CELSR2: variants seen among roughly 807,000 people sequenced by gnomAD.
CELSR2 encodes EGF-like protein 2.
In CELSR2, 81 loss-of-function variants were observed where a neutral mutation model predicts 251.6. That is an observed-to-expected ratio of 0.32 (90% CI 0.27 to 0.39). The LOEUF (loss-of-function observed/expected upper bound fraction) is 0.39, where lower values mean the gene tolerates loss of function less well. Among genes scored for constraint, CELSR2 ranks in the 10% least tolerant of loss-of-function variants. CELSR2 has a pLI of 1.00. For missense variants in CELSR2, 3,365 were observed against 3,947.7 expected, an observed-to-expected ratio of 0.85 and a Z score of 3.96; for synonymous variants, 1,721 against 1,670.5, an observed-to-expected ratio of 1.03 and a Z score of -0.74.
Position 109,274,059 on chromosome 1 carries a change from G to T in CELSR2, c.*10G>T. The T allele has an allele frequency of 3.7e-6, 6 of 1,613,660 alleles. No homozygotes were observed. The highest frequency in any genetic ancestry group is 5.1e-6 in the Non-Finnish European group (6 of 1,179,666). ...TAACTTCCTGCATTAACCCTGGGCCGTGGTTCCTACGCCCGAGGCTCCCTT... is the reference window on the plus strand; with the variant it reads ...TAACTTCCTGCATTAACCCTGGGCCTTGGTTCCTACGCCCGAGGCTCCCTT... On this transcript the variant is annotated 3_prime_UTR_variant, in exon 34 of 34. Coordinates refer to ENST00000271332, the MANE Select transcript of CELSR2 (RefSeq NM_001408.3).
chr1:109,253,188 C>G lies in CELSR2; in HGVS notation c.3109C>G (p.Arg1037Gly). The G allele has an allele frequency of 1.9e-6, 3 of 1,613,644 alleles. No homozygotes were observed. Among genetic ancestry groups the G allele is most frequent in the Non-Finnish European group, 2.5e-6 (3 of 1,180,044 alleles). ...EILFNNYVTNRSSSFPGGAIG... is the reference protein window; with the variant it reads ...EILFNNYVTNGSSSFPGGAIG... ...CCTTTTCAACAACTATGTCACCAAT[C>G]GCTCAAGCAGCTTCCCTGGGGGTGC... The change falls in exon 1 of 34, where the codon CGC (arginine) becomes GGC (glycine). Residue 1037 changes from arginine to glycine, a missense_variant. Around this residue, in one of 5 missense-constraint regions of CELSR2, gnomAD observed 505 missense variants for 660.0 expected, o/e 0.77. Transcript: ENST00000271332.
At chr1:109,268,485 G>A in intron 17 of CELSR2, 96 bp from the exon 18 acceptor site, 1 of 1,436,820 alleles carries the variant, frequency 7.0e-7, no homozygotes, top group Non-Finnish European at 9.2e-7. Flanking sequence ...GGGCCTGGTG[G>A]GGAGCAGGGA....
At position 109,264,647 on chromosome 1, in the gene CELSR2, G is replaced by C; in HGVS notation, c.5464+19G>C. The C allele has an allele frequency of 6.2e-7, 1 of 1,603,790 alleles. No homozygotes were observed. The highest frequency in any genetic ancestry group is 8.5e-7 in the Non-Finnish European group (1 of 1,171,462). On this transcript the variant is annotated intron_variant, in intron 11 of 33. Coordinates refer to ENST00000271332, the MANE Select transcript of CELSR2 (RefSeq NM_001408.3). ...GATCCAGGTATGCTAAGGATCCAGG[G>C]CAACGGGCAGGTTATCAGGTGCCTG...
chr1:109,250,499 T>C lies in CELSR2; in HGVS notation c.420T>C (p.Ala140=), dbSNP rs1443524809. 1 of 1,613,698 alleles carries C rather than the reference T, an allele frequency of 6.2e-7. No individual in the cohort carries two copies. The highest frequency in any genetic ancestry group is 8.5e-7 in the Non-Finnish European group (1 of 1,179,998). ...CCGAGGAGCACCCGTGCTTAAAGGC[T>C]CCACGGCTCAGATGCCAGTCCTGCA... ...TLPEEHPCLK[A]PRLRCQSCKL... Residue 140 remains alanine, a synonymous_variant, in exon 1 of 34, where the codon GCT becomes GCC. Coordinates refer to ENST00000271332, the MANE Select transcript of CELSR2 (RefSeq NM_001408.3). This position sits in a 1 kb window ranked among gnomAD's most constrained non-coding sequence, Gnocchi z 4.4.
At chr1:109,259,622 G>A (rs560295223) in intron 2 of CELSR2, among the ~76,000 whole-genome samples, 14 of 152,272 alleles carry the variant, frequency 9.2e-5, no homozygotes, top group Non-Finnish European at 1.8e-4. Flanking sequence ...CCCACTGAGC[G>A]AGTTCCTTTT....
In CELSR2 at chr1:109,251,236, T is replaced by C; in HGVS notation, c.1157T>C (p.Phe386Ser). The C allele has an allele frequency of 6.2e-7, 1 of 1,614,084 alleles. No homozygotes were observed. Among genetic ancestry groups the C allele is most frequent in the Non-Finnish European group, 8.5e-7 (1 of 1,180,010 alleles). ...CCTCGGAGTACCACAGCCGCTGTTT[T>C]CCTTTCTGTGGAGGATGACAATGAT... ...PGPRSTTAAV[F>S]LSVEDDNDNA... The change falls in exon 1 of 34, where the codon TTC (phenylalanine) becomes TCC (serine). Residue 386 changes from phenylalanine to serine, a missense_variant. This residue lies in a region of CELSR2 where 704 missense variants were observed against 784.1 expected (regional missense o/e 0.90). Transcript: ENST00000271332. This position sits in a 1 kb window ranked among gnomAD's most constrained non-coding sequence, Gnocchi z 4.9.
intron 32 of CELSR2, 35 bp from the exon 33 acceptor site, chr1:109,273,401 G>A: frequency 6.2e-7 from 1 of 1,608,178 alleles, no homozygotes; most frequent in Non-Finnish European, 8.5e-7. Context: ...ACATTCTCCT[G>A]TGGCCGCACC....
chr1:109,269,176 GAC>G lies in CELSR2; in HGVS notation c.6700_6701del (p.Gln2234AlafsTer10). ...CAGGAGCCAGAGGAGCTGGCACGGC[GAC>G]AGCGACGGCACCCGGAGCTGAGCCA... is the stretch of plus-strand genomic sequence containing the variant. On this transcript the variant is annotated frameshift_variant, in exon 20 of 34. Transcript: ENST00000271332. LOFTEE classifies it high-confidence loss of function. This position sits in a 1 kb window ranked among gnomAD's most constrained non-coding sequence, Gnocchi z 6.4. The G allele has an allele frequency of 6.2e-7, 1 of 1,612,198 alleles. No homozygotes were observed. The highest frequency in any genetic ancestry group is 8.5e-7 in the Non-Finnish European group (1 of 1,179,504).
chr1:109,252,853 A>C lies in CELSR2; in HGVS notation c.2774A>C (p.Glu925Ala), dbSNP rs1655735844. The C allele has an allele frequency of 1.2e-6, 2 of 1,613,652 alleles. No homozygotes were observed. Among genetic ancestry groups the C allele is most frequent in the Non-Finnish European group, 1.7e-6 (2 of 1,179,812 alleles). ...AATCCCCCTGTCTTTGAGCAGGATG[A>C]GTTTGATGTGTTTGTGGAAGAGAAC... Reference protein sequence around the residue: ...NDNPPVFEQDEFDVFVEENSP... With the variant: ...NDNPPVFEQDAFDVFVEENSP... The change falls in exon 1 of 34, where the codon GAG becomes GCG. Residue 925 changes from glutamate (E) to alanine (A), a missense_variant. Coordinates refer to ENST00000271332, the MANE Select transcript of CELSR2 (RefSeq NM_001408.3). The surrounding 1 kb of genome is among the most constrained non-coding windows in gnomAD (Gnocchi z 4.8).
intron 1 of CELSR2, among the ~76,000 whole-genome samples, chr1:109,257,134 A>G (rs1655871993): frequency 6.6e-6 from 1 of 152,158 alleles, no homozygotes; most frequent in South Asian, 2.1e-4. Flanking sequence ...ATGGAGGATC[A>G]CTTGAGGCCA....
chr1:109,252,749 G>C lies in CELSR2; in HGVS notation c.2670G>C (p.Arg890=). The change falls in exon 1 of 34, where the codon CGG becomes CGC. Residue 890 remains arginine, a synonymous_variant. Transcript: ENST00000271332. This position sits in a 1 kb window ranked among gnomAD's most constrained non-coding sequence, Gnocchi z 4.8. ...AGAACGTGGCCCAGTATGTCTTGCG[G>C]GCATATGCAGTGGACAAGGGGATGC... The part of the protein sequence containing the change: ...DRENVAQYVL[R]AYAVDKGMPP... The C allele has an allele frequency of 6.2e-7, 1 of 1,614,012 alleles. No homozygotes were observed. The highest frequency in any genetic ancestry group is 8.5e-7 in the Non-Finnish European group (1 of 1,180,032).
Position 109,267,967 on chromosome 1 carries a change from G to A in CELSR2, c.6225G>A (p.Lys2075=), listed in dbSNP as rs1381696640. The A allele has an allele frequency of 6.2e-7, 1 of 1,611,598 alleles. No homozygotes were observed. Among genetic ancestry groups the A allele is most frequent in the East Asian group, 2.2e-5 (1 of 44,874 alleles). ...CTGGCTACTTCGGCAGCGACGTCAA[G>A]GTGGCCTACCAGCTGGCCACGCGGC... ...HTAGYFGSDV[K]VAYQLATRLL... The change falls in exon 17 of 34, where the codon AAG becomes AAA. Residue 2075 remains lysine, a synonymous_variant. Coordinates refer to ENST00000271332, the MANE Select transcript of CELSR2 (RefSeq NM_001408.3).
Position 109,264,027 on chromosome 1 carries a change from A to G in CELSR2, c.5002-51A>G, listed in dbSNP as rs750198846. 8.5e-6 allele frequency: 13 copies of G among 1,525,810 alleles called. No individual in the cohort carries two copies. In the South Asian group the frequency reaches 1.5e-4, roughly 18 times the overall value. 94.5% of individuals were successfully genotyped at this position (1,525,810 alleles called of 1,614,324 possible). On this transcript the variant is annotated intron_variant, in intron 9 of 33. Coordinates refer to ENST00000271332, the MANE Select transcript of CELSR2 (RefSeq NM_001408.3). ...AGAAAGGGGAACTGTGAGCTGGAGA[A>G]CAGTGATTAAGGCCGTCTGCTGACC...
At position 109,251,498 on chromosome 1, in the gene CELSR2, G is replaced by A. The variant is rs1655687242; in HGVS notation, c.1419G>A (p.Arg473=). The A allele has an allele frequency of 6.2e-7, 1 of 1,613,598 alleles. No homozygotes were observed. The highest frequency in any genetic ancestry group is 1.3e-5 in the African/African-American group (1 of 74,894). ...AGACGACCAAGGAGTACACCCTACG[G>A]GTGCGAGCACAGGATGGTGGCCGTC... The part of the protein sequence containing the change: ...DYETTKEYTL[R]VRAQDGGRPP... Residue 473 remains arginine, a synonymous_variant, in exon 1 of 34, where the codon CGG becomes CGA. Coordinates refer to ENST00000271332, the MANE Select transcript of CELSR2 (RefSeq NM_001408.3). The surrounding 1 kb of genome is among the most constrained non-coding windows in gnomAD (Gnocchi z 4.9).
chr1:109,270,063 G>A lies in CELSR2; in HGVS notation c.7238G>A (p.Arg2413His), dbSNP rs775201586. 10 of 1,613,982 alleles carry A rather than the reference G, an allele frequency of 6.2e-6. No homozygotes were observed. The highest frequency in any genetic ancestry group is 2.7e-5 in the African/African-American group (2 of 74,874). The change falls in exon 23 of 34, where the codon CGT becomes CAT. Residue 2413 changes from arginine to histidine, a missense_variant. By Grantham distance (29) the Arg-to-His change is conservative (BLOSUM62 0). This residue lies in a region of CELSR2 where 2,093 missense variants were observed against 2,382.8 expected (regional missense o/e 0.88). Transcript: ENST00000271332. ...ILRSNQHGIR[R>H]NLTAALGLAQ... is the part of the protein sequence containing the mutation. ...CGCTCCAACCAACACGGCATCCGAC[G>A]TAACCTGACAGCTGCCCTGGGCCTG...
chr1:109,272,737 A>G lies in CELSR2; in HGVS notation c.8143+9A>G, dbSNP rs1386271682. On this transcript the variant is annotated intron_variant, in intron 30 of 33. Coordinates refer to ENST00000271332, the MANE Select transcript of CELSR2 (RefSeq NM_001408.3). ...TCAAGACCAGCAGCATGGTGAGGAC[A>G]GAACGCTCTGGCCACCCAGCAGGGC... is the stretch of plus-strand genomic sequence containing the variant. 1.2e-6 allele frequency: 2 copies of G among 1,613,702 alleles called. No homozygotes were observed. Among genetic ancestry groups the G allele is most frequent in the African/African-American group, 2.7e-5 (2 of 74,856 alleles).
rs199897779 is a variant in CELSR2 at position 109,258,748 on chromosome 1, A to G, written c.3627A>G (p.Leu1209=). The change falls in exon 2 of 34, where the codon CTA becomes CTG. Residue 1209 remains leucine (L), a synonymous_variant. Transcript: ENST00000271332. ...FLPSEDLQER[L]YLNRSLLTAI... ...CCTCTGAGGACCTGCAGGAGCGCCT[A>G]TACCTCAACCGCAGCCTGCTGACGG... The G allele has an allele frequency of 2.7e-4, 426 of 1,575,774 alleles. No homozygotes were observed. The highest frequency in any genetic ancestry group is 3.5e-4 in the Non-Finnish European group (408 of 1,161,054).
chr1:109,273,247 C>A lies in CELSR2; in HGVS notation c.8420C>A (p.Pro2807His). 1 of 1,612,814 alleles carries A rather than the reference C, an allele frequency of 6.2e-7. No homozygotes were observed. The highest frequency in any genetic ancestry group is 1.3e-5 in the African/African-American group (1 of 74,996). ...AAAGAGAGTAGTGGCAACGGGGCCC[C>A]TGAGGAGCGGCTGCGGGAGAATGGA... is the stretch of plus-strand genomic sequence containing the variant. ...TAKESSGNGA[P>H]EERLRENGDA... Residue 2807 changes from proline (P) to histidine (H), a missense_variant, in exon 32 of 34, where the codon CCT becomes CAT. Around this residue, in one of 5 missense-constraint regions of CELSR2, gnomAD observed 2,093 missense variants for 2,382.8 expected, o/e 0.88. Transcript: ENST00000271332.
Position 109,252,566 on chromosome 1 carries a change from ACCCT to A in CELSR2, c.2488_2491del (p.Pro830SerfsTer77). On this transcript the variant is annotated frameshift_variant, in exon 1 of 34. Coordinates refer to ENST00000271332, the MANE Select transcript of CELSR2 (RefSeq NM_001408.3). LOFTEE classifies it high-confidence loss of function. The surrounding 1 kb of genome is among the most constrained non-coding windows in gnomAD (Gnocchi z 4.8). ...AGGGCAGTGTCTATGAGGATGTGCC[ACCCT>A]TCACTAGCGTCCTGCAGATCTCAGC... The A allele has an allele frequency of 6.2e-7, 1 of 1,613,774 alleles. No individual in the cohort carries two copies. Among genetic ancestry groups the A allele is most frequent in the Non-Finnish European group, 8.5e-7 (1 of 1,180,010 alleles).
Sources: allele counts gnomAD v4.1 joint callset (sites outside exome capture counted in the v4.1 genomes callset), GRCh38; gene constraint gnomAD v4.1.1; regional missense constraint gnomAD v4.1.1; non-coding constraint Gnocchi (gnomAD v3.1); transcripts MANE v1.5; gene names NCBI Gene and HGNC (gene_info 2026-07-23, HGNC 2026-07-21).